RBFOX1: variants seen among roughly 807,000 people sequenced by gnomAD.
The protein encoded by RBFOX1 is RNA binding fox-1 homolog 1, also known as RNA binding protein fox-1 homolog 1.
RBFOX1 carries 8 observed loss-of-function variants against 57.7 expected under a neutral mutation model. The observed-to-expected ratio is 0.14, with a 90% CI of 0.08 to 0.25. The LOEUF is 0.25. Ranked by LOEUF, RBFOX1 falls within the 10% of genes least tolerant of loss-of-function variation. RBFOX1 has a pLI of 1.00. For synonymous variants in RBFOX1, 326 were observed against 222.4 expected (o/e 1.47, Z -4.15); for missense variants, 611 against 548.5 (o/e 1.11, Z -1.14).
chr16:6,103,360 A>C (rs1008181043), intron 1 of RBFOX1, among the ~76,000 whole-genome samples: 5 of 152,154 alleles, frequency 3.3e-5, no homozygotes, highest in Admixed American at 6.5e-5. Context: ...TGAAAGTTAA[A>C]TTAGATGACA....
At chr16:6,901,780 T>C (rs186236910) in intron 3 of RBFOX1, among the ~76,000 whole-genome samples, 6 of 152,170 alleles carry the variant, frequency 3.9e-5, no homozygotes, top group South Asian at 2.1e-4. Context: ...ATAGATGAGA[T>C]GGATTGAGAA....
At chr16:6,320,771 AT>A (rs2081677875) in intron 2 of RBFOX1, among the ~76,000 whole-genome samples, 3 of 133,704 alleles carry the variant, frequency 2.2e-5, no homozygotes, top group Admixed American at 2.2e-4. Flanking sequence ...AAAAACTGTT[AT>A]TAAAAAAAAA....
intron 1 of RBFOX1, among the ~76,000 whole-genome samples, chr16:5,374,282 A>G (rs2065933225): frequency 6.6e-6 from 1 of 152,242 alleles, no homozygotes; most frequent in South Asian, 2.1e-4. Flanking sequence ...GAATGAACTA[A>G]TAAAAGTGCT....
chr16:6,586,544 A>G (rs903633707), intron 2 of RBFOX1, among the ~76,000 whole-genome samples: 2 of 152,194 alleles, frequency 1.3e-5, no homozygotes, highest in Admixed American at 6.6e-5. Context: ...ACATCTATGT[A>G]TATATAGCTG....
In RBFOX1 at chr16:7,359,491, T is replaced by C. The variant is rs1291104594; in HGVS notation, c.28-158656T>C. On this transcript the variant is annotated intron_variant, in intron 4 of 15. Transcript: ENST00000550418. The stretch of plus-strand genomic sequence containing the variant: ...TTACTACTCCCTGTGGAGCTTGATA[T>C]ATAAGGTTGCTCAGGAAGGGAGCAG... 2.0e-5 allele frequency among the ~76,000 whole-genome samples: 3 copies of C among 152,320 alleles called. No individual in the cohort carries two copies. The South Asian group carries it at 6.2e-4, about 32-fold the overall frequency.
At chr16:6,561,894 A>C (rs974099717) in intron 2 of RBFOX1, among the ~76,000 whole-genome samples, 1 of 152,180 alleles carries the variant, frequency 6.6e-6, no homozygotes, top group Non-Finnish European at 1.5e-5. Flanking sequence ...TATTGGCAGC[A>C]CTTTGCCTAA....
intron 4 of RBFOX1, among the ~76,000 whole-genome samples, chr16:7,513,319 C>G (rs920549838): frequency 4.0e-5 from 6 of 151,818 alleles, no homozygotes; most frequent in African/African-American, 1.5e-4. Flanking sequence ...AGTGAACTCC[C>G]CACCAGGTGA....
At chr16:5,610,122 A>T (rs2047723032) in intron 3 of RBFOX1, among the ~76,000 whole-genome samples, 1 of 152,110 alleles carries the variant, frequency 6.6e-6, no homozygotes, top group African/African-American at 2.4e-5. Context: ...CTGGGAGGGC[A>T]GGGAGTTTTC....
intron 4 of RBFOX1, among the ~76,000 whole-genome samples, chr16:5,912,412 G>C (rs1296534215): frequency 6.6e-6 from 1 of 152,164 alleles, no homozygotes; most frequent in Admixed American, 6.5e-5. Context: ...CAGAGATTAG[G>C]AGTCTACCCT....
Position 5,426,699 on chromosome 16 carries a change from GT to G in RBFOX1, c.220-40511del, listed in dbSNP as rs145654695. On this transcript the variant is annotated intron_variant, in intron 1 of 2. Transcript: ENST00000585867. ...GAGGGAACAGCTGCTTCTTGTGGCTGTTTTTTCTGTTATCGCTCCAGGGAAG... is the reference window on the plus strand; with the variant it reads ...GAGGGAACAGCTGCTTCTTGTGGCTGTTTTTCTGTTATCGCTCCAGGGAAG... Among the ~76,000 whole-genome samples the G allele has an allele frequency of 5.9e-5, 9 of 152,308 alleles. No individual in the cohort carries two copies. The South Asian group carries it at 1.0e-3, about 18-fold the overall frequency.
intron 4 of RBFOX1, among the ~76,000 whole-genome samples, chr16:7,306,248 G>A (rs1035828453): frequency 1.3e-5 from 2 of 152,136 alleles, no homozygotes; most frequent in African/African-American, 4.8e-5. Flanking sequence ...ACTTAGGAGA[G>A]AAGATAGTGA....
intron 1 of RBFOX1, among the ~76,000 whole-genome samples, chr16:6,024,549 T>TGTGA (rs1596468310): frequency 1.3e-5 from 2 of 152,284 alleles, no homozygotes; most frequent in East Asian, 3.9e-4. Flanking sequence ...AGTACAGTGG[T>TGTGA]GTGATCTCAT....
intron 2 of RBFOX1, among the ~76,000 whole-genome samples, chr16:6,612,845 C>G (rs561769898): frequency 3.1e-5 from 2 of 63,740 alleles, no homozygotes; most frequent in African/African-American, 6.6e-5. Context: ...GTGAGACTCT[C>G]TCTCAAAAAA....
intron 1 of RBFOX1, among the ~76,000 whole-genome samples, chr16:5,350,774 G>A (rs754941771): frequency 6.6e-6 from 1 of 152,166 alleles, no homozygotes; most frequent in Non-Finnish European, 1.5e-5. Flanking sequence ...ACTGAGGCAG[G>A]AGAATCACTT....
intron 2 of RBFOX1, among the ~76,000 whole-genome samples, chr16:6,448,500 G>A (rs995507658): frequency 6.6e-6 from 1 of 152,094 alleles, no homozygotes; most frequent in Non-Finnish European, 1.5e-5. Flanking sequence ...CGGGCTAGAT[G>A]AATTTATTTT....
At chr16:6,048,307 T>G (rs1480673761) in intron 1 of RBFOX1, among the ~76,000 whole-genome samples, 1 of 152,170 alleles carries the variant, frequency 6.6e-6, no homozygotes, top group Non-Finnish European at 1.5e-5. Context: ...AGTATTCTAG[T>G]CAGATTTCTT....
intron 2 of RBFOX1, among the ~76,000 whole-genome samples, chr16:6,640,691 G>C (rs1403283183): frequency 3.3e-5 from 5 of 152,096 alleles, no homozygotes; most frequent in Non-Finnish European, 7.4e-5. Flanking sequence ...ATCACATATA[G>C]GAAACACTGG....
intron 2 of RBFOX1, among the ~76,000 whole-genome samples, chr16:6,510,759 T>TAA (rs145941921): frequency 1.1e-4 from 17 of 151,292 alleles, no homozygotes; most frequent in African/African-American, 3.9e-4. Flanking sequence ...CCCAAACTAT[T>TAA]AAAAAAAAGA....
chr16:7,155,441 T>C (rs913987478), intron 4 of RBFOX1, among the ~76,000 whole-genome samples: 2 of 151,350 alleles, frequency 1.3e-5, no homozygotes, highest in Admixed American at 1.3e-4. Flanking sequence ...ATGATAATAA[T>C]AGAAAATAGC....
Sources: allele counts gnomAD v4.1 joint callset (sites outside exome capture counted in the v4.1 genomes callset), GRCh38; gene constraint gnomAD v4.1.1; transcripts MANE v1.5; gene names NCBI Gene and HGNC (gene_info 2026-07-23, HGNC 2026-07-21).